B4GALT6: variants seen among roughly 807,000 people sequenced by gnomAD.
B4GALT6 encodes the protein beta-1,4-galactosyltransferase 6, also known as UDP-Gal:beta-GlcNAc beta-1,4-galactosyltransferase 6.
Under a neutral mutation model 46.3 loss-of-function variants are expected in B4GALT6, and 14 were observed. The ratio of observed to expected loss-of-function variants is 0.30; its 90% CI spans 0.20 to 0.47. The LOEUF (loss-of-function observed/expected upper bound fraction) is 0.47, where lower values mean the gene tolerates loss of function less well. Among genes scored for constraint, B4GALT6 ranks in the 20% least tolerant of loss-of-function variants. B4GALT6 has a pLI of 0.99. For missense variants in B4GALT6, 386 were observed against 480.1 expected (o/e 0.80, Z 1.83); for synonymous variants, 168 against 162.0 (o/e 1.04, Z -0.28).
chr18:31,658,172 G>A (rs2144648959), intron 2 of B4GALT6, 83 bp from the exon 3 acceptor site: 1 of 945,308 alleles, frequency 1.1e-6, no homozygotes, highest in African/African-American at 1.7e-5. Flanking sequence ...ACTATCACTG[G>A]GAGAAAACTA....
chr18:31,687,306 G>C (rs1407811968), upstream of B4GALT6, among the ~76,000 whole-genome samples: 1 of 152,192 alleles, frequency 6.6e-6, no homozygotes, highest in Non-Finnish European at 1.5e-5. Context: ...TATATTTTTA[G>C]AAATCTCTCC....
chr18:31,626,097 A>G (rs997944874), intron 8 of B4GALT6, among the ~76,000 whole-genome samples, 186 bp downstream of exon 8: 13 of 152,234 alleles, frequency 8.5e-5, no homozygotes, highest in Non-Finnish European at 4.4e-5. Context: ...ATATATACGT[A>G]TATCTCTTAA....
At chr18:31,689,152 ATTC>A (rs539615322), upstream of B4GALT6, among the ~76,000 whole-genome samples, 8 of 152,290 alleles carry the variant, frequency 5.3e-5, no homozygotes, top group South Asian at 1.4e-3. Flanking sequence ...AGCTTTATTC[ATTC>A]TTTTTCTCAG....
chr18:31,713,836 G>A, the B4GALT6 span, among the ~76,000 whole-genome samples: 6 of 152,290 alleles, frequency 3.9e-5, no homozygotes, highest in African/African-American at 7.2e-5. Context: ...CAAAATAACC[G>A]CTGACAAGCT....
chr18:31,681,654 T>C (rs1454230875), intron 1 of B4GALT6, among the ~76,000 whole-genome samples: 1 of 152,202 alleles, frequency 6.6e-6, no homozygotes, highest in Non-Finnish European at 1.5e-5. Flanking sequence ...GTGTGATGTA[T>C]CTGCTCAAGA....
chr18:31,685,449 C>A (rs867698007), upstream of B4GALT6, among the ~76,000 whole-genome samples: 1 of 151,408 alleles, frequency 6.6e-6, no homozygotes, highest in African/African-American at 2.4e-5. Flanking sequence ...CTGCGCGCTT[C>A]GCGCGCTCGC....
At chr18:31,683,101 A>G (rs1342328960) in intron 1 of B4GALT6, among the ~76,000 whole-genome samples, 2 of 152,194 alleles carry the variant, frequency 1.3e-5, no homozygotes, top group East Asian at 3.8e-4. Flanking sequence ...TCATCATCTG[A>G]GTTTATACAC....
the B4GALT6 span, among the ~76,000 whole-genome samples, chr18:31,700,435 TTG>T: frequency 4.8e-3 from 667 of 139,524 alleles, 6 homozygotes; most frequent in African/African-American, 0.014. Flanking sequence ...AATTGACTAT[TTG>T]TGTGTGTGTG....
chr18:31,685,462 G>C (rs2074536851), upstream of B4GALT6, among the ~76,000 whole-genome samples: 2 of 151,376 alleles, frequency 1.3e-5, no homozygotes, highest in African/African-American at 4.8e-5. Context: ...GCGCTCGCTC[G>C]GAACTCGGCA....
intron 3 of B4GALT6, among the ~76,000 whole-genome samples, chr18:31,655,209 G>A (rs928663273): frequency 3.9e-5 from 6 of 152,208 alleles, no homozygotes; most frequent in South Asian, 4.1e-4. Context: ...CAGAAGCCTC[G>A]TTATGTTGGC....
rs572798125 is a variant in B4GALT6, at chr18:31,630,674, G to A, written c.776+285C>T. ...GCAAGTGACTAACCTATAAGTCCTGGAACTGTAAGTGTGAGAACCCAAGTT... is the reference window on the plus strand; with the variant it reads ...GCAAGTGACTAACCTATAAGTCCTGAAACTGTAAGTGTGAGAACCCAAGTT... On this transcript the variant is annotated intron_variant, in intron 6 of 8. Coordinates refer to ENST00000306851, the MANE Select transcript of B4GALT6 (RefSeq NM_004775.5). 1.1e-4 allele frequency among the ~76,000 whole-genome samples: 17 copies of A among 152,220 alleles called. 1 individual carries two copies. In the East Asian group the frequency reaches 2.3e-3, roughly 21 times the overall value.
the B4GALT6 span, among the ~76,000 whole-genome samples, chr18:31,700,596 A>T: frequency 6.6e-6 from 1 of 152,134 alleles, no homozygotes; most frequent in Admixed American, 6.5e-5. Context: ...AGCTGGGACT[A>T]CAGGTGCCTG....
upstream of B4GALT6, among the ~76,000 whole-genome samples, chr18:31,688,376 C>T (rs2030003489): frequency 6.6e-6 from 1 of 150,850 alleles, no homozygotes; most frequent in African/African-American, 2.4e-5. Flanking sequence ...GATATTGGTC[C>T]CTGTATCTTA....
chr18:31,668,800 G>A (rs2074313238), intron 1 of B4GALT6, among the ~76,000 whole-genome samples: 1 of 148,592 alleles, frequency 6.7e-6, no homozygotes, highest in African/African-American at 2.5e-5. Flanking sequence ...AGGAGTTTGA[G>A]ACCAGCCTGG....
chr18:31,630,042 G>A (rs2073763220), intron 6 of B4GALT6, among the ~76,000 whole-genome samples: 1 of 135,900 alleles, frequency 7.4e-6, no homozygotes, highest in African/African-American at 2.7e-5. Context: ...AAGGAAGGAA[G>A]GAAGAGGAAG....
the B4GALT6 span, among the ~76,000 whole-genome samples, chr18:31,694,555 C>T: frequency 6.6e-6 from 1 of 152,132 alleles, no homozygotes; most frequent in Non-Finnish European, 1.5e-5. Flanking sequence ...AAGGAGAGGC[C>T]ATGAAGTGAC....
the B4GALT6 span, among the ~76,000 whole-genome samples, chr18:31,715,581 G>A: frequency 6.9e-5 from 7 of 101,236 alleles, no homozygotes; most frequent in Admixed American, 1.6e-4. Flanking sequence ...ATGGAGTTTC[G>A]CTCTTGTTGC....
intron 1 of B4GALT6, among the ~76,000 whole-genome samples, chr18:31,677,280 T>C (rs1457964551): frequency 6.6e-6 from 1 of 152,242 alleles, no homozygotes; most frequent in Non-Finnish European, 1.5e-5. Flanking sequence ...AAACATCCTT[T>C]AAGCTAACTC....
chr18:31,689,513 G>A (rs1424481861), upstream of B4GALT6, among the ~76,000 whole-genome samples: 1 of 152,152 alleles, frequency 6.6e-6, no homozygotes, highest in African/African-American at 2.4e-5. Flanking sequence ...GGGAGACCAA[G>A]GCGGGTGGAT....
Sources: gnomAD v4.1 joint callset for allele counts (sites outside exome capture counted in the v4.1 genomes callset) on GRCh38, gnomAD v4.1.1 for gene constraint, MANE v1.5 for transcripts, NCBI Gene and HGNC (gene_info 2026-07-23, HGNC 2026-07-21) for gene names.